ZNF532: variants seen among roughly 807,000 people sequenced by gnomAD.
ZNF532 encodes zinc finger protein 532.
In ZNF532, 22 loss-of-function variants were observed where a neutral mutation model predicts 89.3. The observed-to-expected ratio is 0.25, with a 90% CI of 0.18 to 0.35. ZNF532 has a LOEUF of 0.35. Ranked by LOEUF, ZNF532 falls within the 10% of genes least tolerant of loss-of-function variation. The pLI, the probability that ZNF532 is intolerant of heterozygous loss-of-function variation, is 1.00. For missense variants in ZNF532, 1,132 were observed against 1,643.4 expected (o/e 0.69, Z 5.38); for synonymous variants, 606 against 649.6 (o/e 0.93, Z 1.02).
intron 2 of ZNF532, among the ~76,000 whole-genome samples, chr18:58,897,233 T>G (rs868109012): frequency 6.6e-6 from 1 of 152,222 alleles, no homozygotes; most frequent in African/African-American, 2.4e-5. Context: ...CACGTAATTT[T>G]GTAAGTTTTG....
intron 2 of ZNF532, among the ~76,000 whole-genome samples, chr18:58,886,677 G>T (rs908147109): frequency 6.6e-6 from 1 of 152,132 alleles, no homozygotes; most frequent in Non-Finnish European, 1.5e-5. Context: ...CTAGTGCTTT[G>T]CTATGTTACA....
intron 2 of ZNF532, among the ~76,000 whole-genome samples, chr18:58,876,880 A>T (rs989232535): frequency 6.6e-6 from 1 of 152,148 alleles, no homozygotes; most frequent in Non-Finnish European, 1.5e-5. Context: ...CCTGGGCAAC[A>T]TGGTAAACCC....
At chr18:58,982,937 C>T (rs987220140) in intron 9 of ZNF532, among the ~76,000 whole-genome samples, 1 of 152,134 alleles carries the variant, frequency 6.6e-6, no homozygotes, top group Non-Finnish European at 1.5e-5. Context: ...TATGGTGAAA[C>T]CCTGTCTCTA....
intron 4 of ZNF532, among the ~76,000 whole-genome samples, chr18:58,937,512 A>G (rs759144785): frequency 5.3e-5 from 8 of 152,190 alleles, no homozygotes; most frequent in Non-Finnish European, 1.0e-4. Context: ...TTTGCTGTAC[A>G]TTAAACCTTC....
chr18:58,873,918 G>T (rs1010293621), intron 2 of ZNF532, among the ~76,000 whole-genome samples: 1 of 152,148 alleles, frequency 6.6e-6, no homozygotes, highest in African/African-American at 2.4e-5. Context: ...TACTAGCTGC[G>T]GGACCTTGAA....
chr18:58,902,743 C>T (rs969387078), intron 2 of ZNF532, among the ~76,000 whole-genome samples: 3 of 152,170 alleles, frequency 2.0e-5, no homozygotes, highest in Non-Finnish European at 2.9e-5. Context: ...CCACCTGCCT[C>T]GGCTTCCCAA....
At chr18:58,957,568 A>G (rs1291432063) in intron 7 of ZNF532, among the ~76,000 whole-genome samples, 13 of 151,952 alleles carry the variant, frequency 8.6e-5, no homozygotes, top group African/African-American at 3.1e-4. Flanking sequence ...GTTAGGAGTA[A>G]ATTTAACTGG....
intron 2 of ZNF532, among the ~76,000 whole-genome samples, chr18:58,909,307 T>C (rs753963468): frequency 2.0e-5 from 3 of 152,102 alleles, no homozygotes; most frequent in East Asian, 1.9e-4. Context: ...TGACAAAACA[T>C]AGGATTTAGA....
chr18:58,875,221 G>T (rs954011677), intron 2 of ZNF532, among the ~76,000 whole-genome samples: 2 of 151,616 alleles, frequency 1.3e-5, no homozygotes, highest in Non-Finnish European at 2.9e-5. Flanking sequence ...GTGTTGCCCA[G>T]GCTGGTCTCA....
intron 2 of ZNF532, among the ~76,000 whole-genome samples, chr18:58,877,881 T>TGG (rs369478047): frequency 2.6e-5 from 4 of 152,164 alleles, no homozygotes; most frequent in African/African-American, 7.2e-5. Context: ...TAGTCACAGT[T>TGG]GGGGGGTGAG....
At chr18:58,873,210 A>G (rs905816866) in intron 2 of ZNF532, among the ~76,000 whole-genome samples, 1 of 151,886 alleles carries the variant, frequency 6.6e-6, no homozygotes, top group Non-Finnish European at 1.5e-5. Context: ...TTTGTAGAGA[A>G]GGGATCTCTC....
intron 2 of ZNF532, among the ~76,000 whole-genome samples, chr18:58,890,237 ATATATATATGAGT>A (rs2058788390): frequency 6.6e-6 from 1 of 151,882 alleles, no homozygotes; most frequent in South Asian, 2.1e-4. Context: ...GGAAAAATAT[ATATATATATGAGT>A]TATATATATA....
At chr18:58,873,555 TCTC>T (rs566798792) in intron 2 of ZNF532, among the ~76,000 whole-genome samples, 156 of 152,074 alleles carry the variant, frequency 1.0e-3, no homozygotes, top group Middle Eastern at 3.4e-3. Context: ...TTCAAGCAGT[TCTC>T]CTGCCTCAGC....
intron 2 of ZNF532, among the ~76,000 whole-genome samples, chr18:58,873,554 T>A (rs1390555506): frequency 6.6e-6 from 1 of 152,002 alleles, no homozygotes; most frequent in East Asian, 1.9e-4. Context: ...GTTCAAGCAG[T>A]TCTCCTGCCT....
intron 9 of ZNF532, 123 bp downstream of exon 9, chr18:58,981,740 C>A: frequency 1.5e-6 from 2 of 1,322,488 alleles, no homozygotes; most frequent in Non-Finnish European, 1.0e-6. Context: ...TGGCTGGGTG[C>A]GGTGGCTCAT....
intron 7 of ZNF532, among the ~76,000 whole-genome samples, chr18:58,978,356 AT>A (rs2067293480): frequency 2.6e-5 from 4 of 152,186 alleles, no homozygotes; most frequent in Admixed American, 2.6e-4. Context: ...CAGAGATTTC[AT>A]TTAACATGGC....
At chr18:58,900,411 G>A (rs1408817404) in intron 2 of ZNF532, among the ~76,000 whole-genome samples, 1 of 152,196 alleles carries the variant, frequency 6.6e-6, no homozygotes, top group Non-Finnish European at 1.5e-5. Context: ...CCACGGCTTT[G>A]ATAGCCCAGA....
At chr18:58,940,635 A>G (rs2062905140) in intron 5 of ZNF532, among the ~76,000 whole-genome samples, 1 of 152,060 alleles carries the variant, frequency 6.6e-6, no homozygotes, top group Non-Finnish European at 1.5e-5. Context: ...TGAGGATGAG[A>G]TGAGATGATG....
At position 58,920,454 on chromosome 18, in the gene ZNF532, A is replaced by G; in HGVS notation, c.2167A>G (p.Ile723Val). ...THTVTKIQSG[I>V]TGTVISAPSS... ...CACTGTCACAAAAATTCAGTCTGGC[A>G]TAACTGGGACAGTCATATCGGCTCC... The change falls in exon 3 of 10, where the codon ATA (isoleucine) becomes GTA (valine). Residue 723 changes from isoleucine (I) to valine (V), a missense_variant. This residue lies in a region of ZNF532 where 100 missense variants were observed against 122.0 expected (regional missense o/e 0.82). Coordinates refer to ENST00000591808, the MANE Select transcript of ZNF532 (RefSeq NM_001375912.1). 3 of 1,614,010 alleles carry G rather than the reference A, an allele frequency of 1.9e-6. No individual in the cohort carries two copies. Among genetic ancestry groups the G allele is most frequent in the Non-Finnish European group, 2.5e-6 (3 of 1,179,872 alleles).
Sources: allele counts gnomAD v4.1 joint callset (sites outside exome capture counted in the v4.1 genomes callset), GRCh38; gene constraint gnomAD v4.1.1; regional missense constraint gnomAD v4.1.1; transcripts MANE v1.5; gene names NCBI Gene and HGNC (gene_info 2026-07-23, HGNC 2026-07-21).